The following GRIK4 variants were observed in gnomAD, a reference collection of about 807,000 sequenced individuals.
The protein encoded by GRIK4 is glutamate receptor ionotropic, kainate 4.
Under a neutral mutation model 104.9 loss-of-function variants are expected in GRIK4, and 40 were observed. The observed-to-expected ratio is 0.38, with a 90% CI of 0.30 to 0.50. GRIK4 has a LOEUF of 0.50. Ranked by LOEUF, GRIK4 falls within the 20% of genes least tolerant of loss-of-function variation. The pLI, the probability that GRIK4 is intolerant of heterozygous loss-of-function variation, is 0.93. For missense variants in GRIK4, 1,047 were observed against 1,308.1 expected, an observed-to-expected ratio of 0.80 and a Z score of 3.08; for synonymous variants, 485 against 524.9, an observed-to-expected ratio of 0.92 and a Z score of 1.04.
chr11:120,714,428 C>CAGTTAT (rs1459387649), intron 3 of GRIK4, among the ~76,000 whole-genome samples: 1 of 152,218 alleles, frequency 6.6e-6, no homozygotes, highest in Non-Finnish European at 1.5e-5. Flanking sequence ...TTATTGAACA[C>CAGTTAT]CTACTGTGTG....
intron 3 of GRIK4, among the ~76,000 whole-genome samples, chr11:120,744,489 A>G (rs987330882): frequency 6.6e-6 from 1 of 152,200 alleles, no homozygotes; most frequent in Non-Finnish European, 1.5e-5. Flanking sequence ...GAAGGACAAC[A>G]GGAGTAATGT....
intron 1 of GRIK4, among the ~76,000 whole-genome samples, chr11:120,520,809 C>T (rs777791815): frequency 5.3e-5 from 8 of 152,180 alleles, no homozygotes; most frequent in Middle Eastern, 3.2e-3. Flanking sequence ...GACTCATGGT[C>T]GTTATTGCTC....
intron 1 of GRIK4, among the ~76,000 whole-genome samples, chr11:120,624,086 G>A (rs1337718546): frequency 1.3e-5 from 2 of 152,078 alleles, no homozygotes; most frequent in African/African-American, 4.8e-5. Flanking sequence ...GCTCACAGAT[G>A]GCATAAACAA....
At chr11:120,936,774 G>T (rs567906011) in intron 13 of GRIK4, 2 of 152,504 alleles carry the variant, frequency 1.3e-5, no homozygotes, top group South Asian at 4.2e-4. Flanking sequence ...AGCAGGAGCA[G>T]TCACCAAAAT....
At chr11:120,565,369 C>T (rs1948308390) in intron 1 of GRIK4, among the ~76,000 whole-genome samples, 1 of 152,224 alleles carries the variant, frequency 6.6e-6, no homozygotes, top group East Asian at 1.9e-4. Flanking sequence ...ATCCTCTCCT[C>T]CTTTAATTAG....
At chr11:120,866,272 T>G (rs568336467) in intron 9 of GRIK4, among the ~76,000 whole-genome samples, 2 of 152,140 alleles carry the variant, frequency 1.3e-5, no homozygotes, top group Non-Finnish European at 2.9e-5. Flanking sequence ...CCTCGGCATA[T>G]GTTACTCTCA....
rs144870758 is a variant in GRIK4, at chr11:120,848,639, C to T, written c.744+11795C>T. Among the ~76,000 whole-genome samples, 10 of 152,280 alleles carry T rather than the reference C, an allele frequency of 6.6e-5. No homozygotes were observed. The East Asian group carries it at 1.9e-3, about 29-fold the overall frequency. On this transcript the variant is annotated intron_variant, in intron 8 of 20. Coordinates refer to ENST00000527524, the MANE Select transcript of GRIK4 (RefSeq NM_014619.5). Reference sequence around the variant, plus strand: ...CTCCACCCACAGCAAGAGTTGGTCTCAGCTGGGACTGATGAATCAGTATAT... The same window carrying T: ...CTCCACCCACAGCAAGAGTTGGTCTTAGCTGGGACTGATGAATCAGTATAT...
In GRIK4 at chr11:120,952,766, C is replaced by T. The variant is rs1321131702; in HGVS notation, c.1591-89C>T. The stretch of plus-strand genomic sequence containing the variant: ...AATGGGAACTGGGGCCAGACCCACA[C>T]TCACTACCTCCTCTACCCCGCCCTG... On this transcript the variant is annotated intron_variant, in intron 14 of 20. Coordinates refer to ENST00000527524, the MANE Select transcript of GRIK4 (RefSeq NM_014619.5). This position sits in a 1 kb window ranked among gnomAD's most constrained non-coding sequence, Gnocchi z 5.2. The T allele has an allele frequency of 1.2e-6, 1 of 861,352 alleles. No homozygotes were observed. Among genetic ancestry groups the T allele is most frequent in the East Asian group, 2.4e-5 (1 of 41,480 alleles). 53.4% of individuals were successfully genotyped at this position (861,352 alleles called of 1,614,324 possible). A position where few individuals can be genotyped will look rare whatever the true frequency, so the allele number is the denominator to read the frequency against.
At chr11:120,811,792 G>T (rs1952834021) in intron 4 of GRIK4, among the ~76,000 whole-genome samples, 1 of 151,876 alleles carries the variant, frequency 6.6e-6, no homozygotes, top group Non-Finnish European at 1.5e-5. Flanking sequence ...TTCCATTTGG[G>T]CATACAGCCC....
rs1947686876 is a variant in GRIK4 at position 120,513,565 on chromosome 11, G to A, written c.-159+1678G>A. ...TTATTATTTTTCTCACTGGCCAGAT[G>A]TGTTCCTCAAGGTCACGACCCTTCG... On this transcript the variant is annotated intron_variant, in intron 1 of 20. Transcript: ENST00000527524. This position sits in a 1 kb window ranked among gnomAD's most constrained non-coding sequence, Gnocchi z 4.5. Among the ~76,000 whole-genome samples the A allele has an allele frequency of 6.6e-6, 1 of 152,218 alleles. No individual in the cohort carries two copies. Among genetic ancestry groups the A allele is most frequent in the African/African-American group, 2.4e-5 (1 of 41,460 alleles).
chr11:120,783,855 G>T (rs563696334), intron 3 of GRIK4, among the ~76,000 whole-genome samples: 4 of 152,170 alleles, frequency 2.6e-5, no homozygotes, highest in Non-Finnish European at 5.9e-5. Flanking sequence ...GGAAAAAAAC[G>T]ATGCATAATA....
chr11:120,546,645 G>A (rs1158252340), intron 1 of GRIK4, among the ~76,000 whole-genome samples: 1 of 152,162 alleles, frequency 6.6e-6, no homozygotes, highest in Non-Finnish European at 1.5e-5. Context: ...GAAGGATGGA[G>A]TCTAGGGAAC....
intron 8 of GRIK4, among the ~76,000 whole-genome samples, chr11:120,848,305 T>G (rs1225959865): frequency 6.6e-6 from 1 of 152,216 alleles, no homozygotes; most frequent in Non-Finnish European, 1.5e-5. Context: ...ACCTTTCTTT[T>G]TGTCAGCATT....
chr11:120,824,987 C>T (rs1292360203), intron 6 of GRIK4, among the ~76,000 whole-genome samples: 7 of 152,038 alleles, frequency 4.6e-5, no homozygotes, highest in Non-Finnish European at 7.4e-5. Context: ...TGCAATGGTG[C>T]GATCTCTGCT....
chr11:120,796,160 C>T (rs141455120), intron 3 of GRIK4, among the ~76,000 whole-genome samples: 1,526 of 151,346 alleles, frequency 0.01, 37 homozygotes, highest in African/African-American at 0.034. Context: ...TTCAGCCTCC[C>T]GAGTAGCTGG....
rs757951603 is a variant in GRIK4 at position 120,832,003 on chromosome 11, C to T, written c.663C>T (p.Ala221=). ...KTATIIIHAN[A]SMSHTILLKA... ...CCACCATCATCATCCACGCCAACGC[C>T]TCCATGTCCCACACCATCCTCCTGA... Residue 221 remains alanine (A), a synonymous_variant, in exon 7 of 21, where the codon GCC becomes GCT. Transcript: ENST00000527524. The T allele has an allele frequency of 1.2e-6, 2 of 1,613,470 alleles. No individual in the cohort carries two copies. Among genetic ancestry groups the T allele is most frequent in the South Asian group, 2.2e-5 (2 of 91,004 alleles).
At chr11:120,717,929 G>A (rs551569029) in intron 3 of GRIK4, among the ~76,000 whole-genome samples, 17 of 152,286 alleles carry the variant, frequency 1.1e-4, no homozygotes, top group African/African-American at 3.9e-4. Context: ...GAAATGGCCA[G>A]CCTGTACCTC....
intron 9 of GRIK4, among the ~76,000 whole-genome samples, chr11:120,867,775 ACAATG>A (rs950515355): frequency 3.3e-5 from 5 of 151,938 alleles, no homozygotes; most frequent in African/African-American, 9.7e-5. Context: ...TCTACCTGAG[ACAATG>A]CAAGCAGAAG....
At position 120,687,339 on chromosome 11, in the gene GRIK4, T is replaced by A. The variant is rs539625807; in HGVS notation, c.82+26939T>A. Among the ~76,000 whole-genome samples the A allele has an allele frequency of 3.9e-5, 6 of 152,352 alleles. No homozygotes were observed. In the South Asian group the frequency reaches 1.2e-3, roughly 32 times the overall value. On this transcript the variant is annotated intron_variant, in intron 3 of 20. Transcript: ENST00000527524. Reference sequence around the variant, plus strand: ...CTGCTTTAATGAACCTCCAGCGCTTTAAGATGTTTCTTAATCACTTGTAGA... The same window carrying A: ...CTGCTTTAATGAACCTCCAGCGCTTAAAGATGTTTCTTAATCACTTGTAGA...
Sources: allele counts gnomAD v4.1 joint callset (sites outside exome capture counted in the v4.1 genomes callset), GRCh38; gene constraint gnomAD v4.1.1; non-coding constraint Gnocchi (gnomAD v3.1); transcripts MANE v1.5; gene names NCBI Gene and HGNC (gene_info 2026-07-23, HGNC 2026-07-21).